TNFAIP8: variants seen among roughly 807,000 people sequenced by gnomAD.
The protein encoded by TNFAIP8 is TNF alpha induced protein 8, also known as tumor necrosis factor alpha-induced protein 8.
TNFAIP8 carries 7 observed loss-of-function variants against 13.3 expected under a neutral mutation model. The ratio of observed to expected loss-of-function variants is 0.52; its 90% confidence interval spans 0.30 to 0.99. The LOEUF is 0.99. TNFAIP8 is among the 50% of genes least tolerant of loss of function. The pLI, the probability that TNFAIP8 is intolerant of heterozygous loss-of-function variation, is 0.07. For synonymous variants in TNFAIP8, 94 were observed against 87.6 expected, an observed-to-expected ratio of 1.07 and a Z score of -0.41; for missense variants, 258 against 236.9, an observed-to-expected ratio of 1.09 and a Z score of -0.58.
chr5:119,278,420 T>A (rs953191428), intron 1 of TNFAIP8, among the ~76,000 whole-genome samples: 1 of 122,228 alleles, frequency 8.2e-6, no homozygotes, highest in Non-Finnish European at 1.7e-5. Context: ...TGTGTGTGTG[T>A]GAAGGGTGGA....
intron 1 of TNFAIP8, among the ~76,000 whole-genome samples, chr5:119,315,326 C>T (rs571744998): frequency 4.6e-5 from 7 of 152,160 alleles, no homozygotes; most frequent in Non-Finnish European, 1.0e-4. Context: ...TCAAATGATC[C>T]ACCTATCTTG....
rs568823566 is a variant in TNFAIP8 at position 119,288,858 on chromosome 5, T to C, written c.1+19951T>C. ...CAAAGAGAGAGAAGGGCATTTAAAA[T>C]TAAACTGCACAGAATTATAACAAGC... On this transcript the variant is annotated intron_variant, in intron 1 of 1. Coordinates refer to the TNFAIP8 transcript ENST00000274456. 9.5e-4 allele frequency among the ~76,000 whole-genome samples: 145 copies of C among 152,368 alleles called. 1 individual carries two copies. The highest frequency in any genetic ancestry group is 3.2e-3 in the African/African-American group (134 of 41,582).
At chr5:119,385,644 A>G (rs1466879914) in intron 1 of TNFAIP8, among the ~76,000 whole-genome samples, 1 of 152,168 alleles carries the variant, frequency 6.6e-6, no homozygotes, top group Non-Finnish European at 1.5e-5. Flanking sequence ...TTAATATGTT[A>G]TATATTTTAA....
intron 1 of TNFAIP8, among the ~76,000 whole-genome samples, chr5:119,384,661 C>G (rs949271665): frequency 6.6e-6 from 1 of 152,100 alleles, no homozygotes; most frequent in African/African-American, 2.4e-5. Context: ...CTTTGGGTAA[C>G]CACAAAATTC....
At chr5:119,269,903 T>G (rs1748226948) in intron 1 of TNFAIP8, among the ~76,000 whole-genome samples, 1 of 152,208 alleles carries the variant, frequency 6.6e-6, no homozygotes. Flanking sequence ...GTACAAATAG[T>G]TTCTTCATCT....
At chr5:119,364,628 A>C (rs1021431917) in intron 1 of TNFAIP8, among the ~76,000 whole-genome samples, 18 of 151,942 alleles carry the variant, frequency 1.2e-4, no homozygotes, top group African/African-American at 4.1e-4. Flanking sequence ...AATCACAGGG[A>C]TGAGCCACCG....
At chr5:119,272,947 T>G (rs914282777) in intron 1 of TNFAIP8, among the ~76,000 whole-genome samples, 2 of 152,188 alleles carry the variant, frequency 1.3e-5, no homozygotes, top group Admixed American at 1.3e-4. Context: ...GGATTGAGAC[T>G]CCAGGCTAAC....
At chr5:119,339,288 T>C (rs530342679) in intron 1 of TNFAIP8, among the ~76,000 whole-genome samples, 4 of 152,280 alleles carry the variant, frequency 2.6e-5, no homozygotes, top group African/African-American at 9.6e-5. Flanking sequence ...TGGCATCTGC[T>C]GTGATGATTG....
At chr5:119,344,088 A>C (rs1750821162) in intron 1 of TNFAIP8, among the ~76,000 whole-genome samples, 1 of 152,240 alleles carries the variant, frequency 6.6e-6, no homozygotes, top group Non-Finnish European at 1.5e-5. Context: ...CTGGTGTATT[A>C]GTCTGTTTTG....
chr5:119,361,964 G>A (rs1415212268), intron 1 of TNFAIP8, among the ~76,000 whole-genome samples: 1 of 152,174 alleles, frequency 6.6e-6, no homozygotes, highest in Non-Finnish European at 1.5e-5. Flanking sequence ...AGGGCCTGGA[G>A]AAGCAAAAAT....
chr5:119,315,113 C>T (rs1474869632), intron 1 of TNFAIP8, among the ~76,000 whole-genome samples: 1 of 151,946 alleles, frequency 6.6e-6, no homozygotes, highest in Non-Finnish European at 1.5e-5. Flanking sequence ...GATGGAGTCT[C>T]TCTTTGTTGC....
chr5:119,285,461 G>A (rs1038242207), intron 1 of TNFAIP8, among the ~76,000 whole-genome samples: 1 of 152,158 alleles, frequency 6.6e-6, no homozygotes, highest in Admixed American at 6.5e-5. Flanking sequence ...GTGGCTTTGG[G>A]TGGGAAGTCA....
chr5:119,374,908 C>A (rs983709319), intron 1 of TNFAIP8, among the ~76,000 whole-genome samples: 1 of 152,028 alleles, frequency 6.6e-6, no homozygotes, highest in Non-Finnish European at 1.5e-5. Flanking sequence ...AAACTTAGAA[C>A]CTTTTGGGGG....
chr5:119,309,974 G>A (rs959024999), intron 1 of TNFAIP8, among the ~76,000 whole-genome samples: 4 of 152,180 alleles, frequency 2.6e-5, no homozygotes, highest in African/African-American at 9.7e-5. Flanking sequence ...ACAGGACTGT[G>A]GAGGGCCAAC....
intron 1 of TNFAIP8, among the ~76,000 whole-genome samples, chr5:119,307,122 T>C (rs1429961970): frequency 6.6e-6 from 1 of 152,212 alleles, no homozygotes; most frequent in Non-Finnish European, 1.5e-5. Context: ...ATTAAATACT[T>C]TGAACATCAG....
intron 1 of TNFAIP8, among the ~76,000 whole-genome samples, chr5:119,367,341 T>C (rs951859090): frequency 6.6e-6 from 1 of 152,220 alleles, no homozygotes; most frequent in African/African-American, 2.4e-5. Flanking sequence ...TCTATGGTCT[T>C]AGGCAATTTT....
In TNFAIP8 at chr5:119,333,818, C is replaced by G. The variant is rs1460757950; in HGVS notation, c.2-58998C>G. Among the ~76,000 whole-genome samples, 3 of 151,992 alleles carry G rather than the reference C, an allele frequency of 2.0e-5. No homozygotes were observed. In the East Asian group the frequency reaches 5.8e-4, roughly 29 times the overall value. Reference sequence around the variant, plus strand: ...TTGCTATGGCTCTGGGTGTGGGGAACCAGTGTTAAGCAGGGAGAGGTATGA... The same window carrying G: ...TTGCTATGGCTCTGGGTGTGGGGAAGCAGTGTTAAGCAGGGAGAGGTATGA... On this transcript the variant is annotated intron_variant, in intron 1 of 1. Transcript: ENST00000274456.
intron 1 of TNFAIP8, among the ~76,000 whole-genome samples, chr5:119,281,306 A>ACACACACACACACACACTCTCTCT: frequency 0.012 from 1,420 of 113,938 alleles, 48 homozygotes; most frequent in African/African-American, 0.035. Context: ...ACACACACAC[A>ACACACACACACACACACTCTCTCT]CTCTCTCTCT....
At chr5:119,359,054 C>A (rs977255060) in intron 1 of TNFAIP8, among the ~76,000 whole-genome samples, 1 of 152,186 alleles carries the variant, frequency 6.6e-6, no homozygotes, top group African/African-American at 2.4e-5. Flanking sequence ...ACTCCCTCAA[C>A]GTCCTGTTCC....
Sources: allele counts gnomAD v4.1 joint callset (sites outside exome capture counted in the v4.1 genomes callset), GRCh38; gene constraint gnomAD v4.1.1; transcripts MANE v1.5; gene names NCBI Gene and HGNC (gene_info 2026-07-23, HGNC 2026-07-21).